Variants in SHISA9 observed in about 807,000 individuals in gnomAD.
The protein encoded by SHISA9 is protein shisa-9.
In SHISA9, 13 loss-of-function variants were observed where a neutral mutation model predicts 38.0. The observed-to-expected ratio is 0.34, with a 90% CI of 0.22 to 0.54. The LOEUF is 0.54. SHISA9 is among the 20% of genes least tolerant of loss of function. SHISA9 has a pLI of 0.91. For synonymous variants in SHISA9, 275 were observed against 242.0 expected, an observed-to-expected ratio of 1.14 and a Z score of -1.27; for missense variants, 538 against 575.8, an observed-to-expected ratio of 0.93 and a Z score of 0.67.
intron 4 of SHISA9, among the ~76,000 whole-genome samples, chr16:13,228,999 A>C (rs2051305573): frequency 6.6e-6 from 1 of 152,174 alleles, no homozygotes; most frequent in African/African-American, 2.4e-5. Context: ...TTCTCTACTG[A>C]AAATACCAAA....
the SHISA9 span, among the ~76,000 whole-genome samples, chr16:13,480,489 G>C: frequency 1.3e-5 from 2 of 152,144 alleles, no homozygotes; most frequent in Non-Finnish European, 2.9e-5. Context: ...GCACCTTGCT[G>C]GTCACTCAGA....
At chr16:13,075,649 C>G (rs537837195) in intron 2 of SHISA9, among the ~76,000 whole-genome samples, 5 of 152,324 alleles carry the variant, frequency 3.3e-5, no homozygotes, top group South Asian at 2.1e-4. Flanking sequence ...CATTGTTCAT[C>G]TCCTCTATGC....
At chr16:13,550,204 G>A in the SHISA9 span, among the ~76,000 whole-genome samples, 1 of 151,884 alleles carries the variant, frequency 6.6e-6, no homozygotes, top group Non-Finnish European at 1.5e-5. Flanking sequence ...ATGGGATGAG[G>A]GATGAGGCAT....
At chr16:13,450,266 G>A in the SHISA9 span, among the ~76,000 whole-genome samples, 8 of 152,272 alleles carry the variant, frequency 5.3e-5, no homozygotes, top group East Asian at 5.8e-4. Context: ...CACCTACCTC[G>A]TAGGGTTATA....
At chr16:13,204,735 G>T (rs1368160241) in intron 3 of SHISA9, 1 of 152,200 alleles carries the variant, frequency 6.6e-6, no homozygotes, top group Non-Finnish European at 1.5e-5. Context: ...TGATTCCAAG[G>T]TGAAGACACA....
the SHISA9 span, chr16:13,458,706 A>C: frequency 8.3e-6 from 2 of 240,022 alleles, no homozygotes; most frequent in African/African-American, 4.7e-5. Context: ...TAAAAAAAAA[A>C]TTTATAAAAC....
chr16:13,189,945 G>C lies in SHISA9; in HGVS notation c.692-13449G>C, dbSNP rs189563354. Among the ~76,000 whole-genome samples, 510 of 152,254 alleles carry C rather than the reference G, an allele frequency of 3.3e-3. 3 individuals carry two copies. Among genetic ancestry groups the C allele is most frequent in the African/African-American group, 0.012 (478 of 41,546 alleles). Reference sequence around the variant, plus strand: ...AATTAGGAGGAGAGGGACGCAGAGGGAGGAGAAGAGAAGGGGCAGAAACTA... The same window carrying C: ...AATTAGGAGGAGAGGGACGCAGAGGCAGGAGAAGAGAAGGGGCAGAAACTA... On this transcript the variant is annotated intron_variant, in intron 2 of 4. Transcript: ENST00000558583.
At chr16:13,034,504 G>A (rs1331880659) in intron 2 of SHISA9, among the ~76,000 whole-genome samples, 1 of 152,200 alleles carries the variant, frequency 6.6e-6, no homozygotes. Flanking sequence ...TTGAGGGCAG[G>A]AAGAAAGTTA....
the SHISA9 span, among the ~76,000 whole-genome samples, chr16:13,306,904 G>A: frequency 6.6e-6 from 1 of 152,182 alleles, no homozygotes; most frequent in Non-Finnish European, 1.5e-5. Context: ...TTATGTATAT[G>A]TATGTGTGCT....
At chr16:13,265,253 C>T in the SHISA9 span, among the ~76,000 whole-genome samples, 2 of 126,192 alleles carry the variant, frequency 1.6e-5, no homozygotes, top group African/African-American at 6.2e-5. Flanking sequence ...CCTTTCTTCC[C>T]CTTCCCTTGC....
At chr16:13,211,825 C>T (rs1204571465) in intron 3 of SHISA9, among the ~76,000 whole-genome samples, 1 of 152,192 alleles carries the variant, frequency 6.6e-6, no homozygotes, top group African/African-American at 2.4e-5. Context: ...CAGATGGCTT[C>T]CCTGGAGTCA....
At chr16:13,079,971 A>G (rs1486864506) in intron 2 of SHISA9, among the ~76,000 whole-genome samples, 3 of 152,214 alleles carry the variant, frequency 2.0e-5, no homozygotes, top group Admixed American at 2.0e-4. Context: ...CCTAGCATGA[A>G]GGAAATCAAA....
the SHISA9 span, among the ~76,000 whole-genome samples, chr16:13,463,264 G>A: frequency 6.6e-6 from 1 of 152,228 alleles, no homozygotes; most frequent in Non-Finnish European, 1.5e-5. Context: ...GGAAGCTATT[G>A]CAATAGTTCA....
rs141210757 is a variant in SHISA9, at chr16:12,952,831, C to G, written c.691+36016C>G. ...CTCTTTTCTTCATAAATTACCCAGT[C>G]TCAGGGAGTAGCTTTATAGCACTGT... On this transcript the variant is annotated intron_variant, in intron 2 of 4. Transcript: ENST00000558583. 1.1e-3 allele frequency among the ~76,000 whole-genome samples: 172 copies of G among 152,280 alleles called. 1 individual carries two copies. Among genetic ancestry groups the G allele is most frequent in the African/African-American group, 3.9e-3 (162 of 41,560 alleles).
intron 2 of SHISA9, among the ~76,000 whole-genome samples, chr16:12,961,626 G>A (rs1029669550): frequency 1.3e-4 from 20 of 152,258 alleles, no homozygotes; most frequent in Non-Finnish European, 1.3e-4. Context: ...AAGAAAGAAG[G>A]GGGAAGAAGG....
chr16:13,058,860 A>G (rs2073340772), intron 2 of SHISA9, among the ~76,000 whole-genome samples: 1 of 151,996 alleles, frequency 6.6e-6, no homozygotes, highest in African/African-American at 2.4e-5. Context: ...ACCGTTGCTC[A>G]CTAACTAACC....
At chr16:13,123,780 C>A (rs546095128) in intron 2 of SHISA9, among the ~76,000 whole-genome samples, 5 of 152,206 alleles carry the variant, frequency 3.3e-5, no homozygotes, top group Non-Finnish European at 5.9e-5. Context: ...TGGTAGCTAA[C>A]AGTGGGACTA....
the SHISA9 span, among the ~76,000 whole-genome samples, chr16:13,268,192 A>G: frequency 5.9e-5 from 9 of 152,164 alleles, no homozygotes; most frequent in African/African-American, 9.7e-5. Flanking sequence ...GATGTTTGGC[A>G]TGCTGAGATG....
chr16:12,982,213 C>T lies in SHISA9; in HGVS notation c.691+65398C>T, dbSNP rs561769216. On this transcript the variant is annotated intron_variant, in intron 2 of 4. Transcript: ENST00000558583. ...GAGCTCACAGCTTAACTGCTGGATT[C>T]GGCCATCCAATATGGTGGCCAGTAG... Among the ~76,000 whole-genome samples the T allele has an allele frequency of 6.4e-4, 98 of 152,310 alleles. 1 individual carries two copies. Among genetic ancestry groups the T allele is most frequent in the Admixed American group, 1.1e-3 (17 of 15,302 alleles).
Sources: allele counts gnomAD v4.1 joint callset (sites outside exome capture counted in the v4.1 genomes callset), GRCh38; gene constraint gnomAD v4.1.1; transcripts MANE v1.5; gene names NCBI Gene and HGNC (gene_info 2026-07-23, HGNC 2026-07-21).